Variants in CSMD1 observed in about 807,000 individuals in gnomAD.
CSMD1 encodes CUB and sushi domain-containing protein 1.
Under a neutral mutation model 417.5 loss-of-function variants are expected in CSMD1, and 213 were observed. The observed-to-expected ratio is 0.51, with a 90% CI of 0.46 to 0.57. CSMD1 has a LOEUF of 0.57. Among genes scored for constraint, CSMD1 ranks in the 20% least tolerant of loss-of-function variants. The pLI is 0.00. For missense variants in CSMD1, 6,923 were observed against 4,529.7 expected, an observed-to-expected ratio of 1.53 and a Z score of -15.17; for synonymous variants, 2,862 against 1,736.8, an observed-to-expected ratio of 1.65 and a Z score of -16.11.
At chr8:3,272,314 T>C (rs940940893) in intron 26 of CSMD1, among the ~76,000 whole-genome samples, 9 of 146,472 alleles carry the variant, frequency 6.1e-5, no homozygotes, top group African/African-American at 1.5e-4. Context: ...ACCAGTACCA[T>C]GCTGTTTTGG....
chr8:4,952,352 G>GAGAACTC (rs1808810296), intron 1 of CSMD1, among the ~76,000 whole-genome samples: 2 of 77,130 alleles, frequency 2.6e-5, no homozygotes, highest in African/African-American at 9.1e-5. Context: ...AAGTGAAACT[G>GAGAACTC]AATAATGTAT....
chr8:3,959,933 C>G (rs933452158), intron 5 of CSMD1, among the ~76,000 whole-genome samples: 6 of 152,172 alleles, frequency 3.9e-5, no homozygotes, highest in Non-Finnish European at 8.8e-5. Flanking sequence ...AAGCCCTGTA[C>G]TAGCCATTTG....
At position 3,998,198 on chromosome 8, in the gene CSMD1, C is replaced by T. The variant is rs183413366; in HGVS notation, c.611-88G>A. 21 of 1,202,492 alleles carry T rather than the reference C, an allele frequency of 1.7e-5. No individual in the cohort carries two copies. The Admixed American group carries it at 2.0e-4, about 12-fold the overall frequency. 74.5% of individuals were successfully genotyped at this position (1,202,492 alleles called of 1,614,324 possible). A position where few individuals can be genotyped will look rare whatever the true frequency, so the allele number is the denominator to read the frequency against. On this transcript the variant is annotated intron_variant, in intron 4 of 69. Transcript: ENST00000635120. ...TCCACCAAGTGTCACTCTTGATCAG[C>T]GACAAATATTTTCTGAACCCAAAAT...
intron 1 of CSMD1, among the ~76,000 whole-genome samples, chr8:4,927,223 T>G (rs926941614): frequency 7.3e-6 from 1 of 136,384 alleles, no homozygotes; most frequent in Non-Finnish European, 1.6e-5. Flanking sequence ...TTTTGGCTAA[T>G]TTTTTTTTAT....
At chr8:4,442,825 G>A (rs916173500) in intron 2 of CSMD1, among the ~76,000 whole-genome samples, 2 of 152,172 alleles carry the variant, frequency 1.3e-5, no homozygotes, top group Admixed American at 6.5e-5. Context: ...ACTGAAATAT[G>A]TAAGTTGCCT....
chr8:3,460,971 A>C (rs909520826), intron 12 of CSMD1, among the ~76,000 whole-genome samples: 4 of 152,162 alleles, frequency 2.6e-5, no homozygotes, highest in Non-Finnish European at 4.4e-5. Context: ...AGTAACAATA[A>C]GTTTGTTCTT....
chr8:3,187,818 G>C (rs370509615), intron 36 of CSMD1, 51 bp downstream of exon 36: 2 of 1,323,610 alleles, frequency 1.5e-6, no homozygotes, highest in Non-Finnish European at 2.2e-6. Flanking sequence ...TTGTTTTCTT[G>C]GTGTTTGCAG....
Position 2,995,087 on chromosome 8 carries a change from G to A in CSMD1, c.8377+2924C>T, listed in dbSNP as rs147637519. 1.2e-3 allele frequency among the ~76,000 whole-genome samples: 180 copies of A among 152,328 alleles called. 1 individual carries two copies. The highest frequency in any genetic ancestry group is 4.0e-3 in the African/African-American group (168 of 41,574). ...AAACTTGTGCTGCTCAAAGGACCCT[G>A]TGAAGAGGATGAAAGTCAAACGAGA... On this transcript the variant is annotated intron_variant, in intron 54 of 69. Transcript: ENST00000635120.
intron 68 of CSMD1, among the ~76,000 whole-genome samples, chr8:2,942,907 C>G (rs1801988524): frequency 6.6e-6 from 1 of 152,130 alleles, no homozygotes; most frequent in Non-Finnish European, 1.5e-5. Flanking sequence ...GGTGTTTTCA[C>G]AAAACTAACT....
At chr8:3,623,698 G>A (rs1418825760) in intron 7 of CSMD1, among the ~76,000 whole-genome samples, 1 of 152,110 alleles carries the variant, frequency 6.6e-6, no homozygotes, top group Non-Finnish European at 1.5e-5. Flanking sequence ...CTCCAGGGCC[G>A]GGCGTGGGGG....
At chr8:3,381,549 T>C (rs781446404) in intron 18 of CSMD1, among the ~76,000 whole-genome samples, 1 of 152,174 alleles carries the variant, frequency 6.6e-6, no homozygotes, top group Non-Finnish European at 1.5e-5. Context: ...ATTGCAAATA[T>C]TTTTAATATA....
chr8:3,493,524 C>G (rs1451607703), intron 11 of CSMD1, 99 bp downstream of exon 11: 7 of 988,220 alleles, frequency 7.1e-6, no homozygotes, highest in Non-Finnish European at 1.1e-5. Context: ...TAAGCAAACA[C>G]CTGAGGCCGA....
intron 5 of CSMD1, among the ~76,000 whole-genome samples, chr8:3,767,780 C>T (rs1798361986): frequency 1.3e-5 from 2 of 152,078 alleles, no homozygotes; most frequent in South Asian, 4.2e-4. Flanking sequence ...GAGAACAGTG[C>T]TCTCATCTTC....
At chr8:4,108,704 C>T (rs150904610) in intron 3 of CSMD1, among the ~76,000 whole-genome samples, 2 of 151,652 alleles carry the variant, frequency 1.3e-5, no homozygotes, top group African/African-American at 4.8e-5. Context: ...GCAGACAATA[C>T]TTAAAATAAA....
At chr8:3,922,583 A>G (rs954908158) in intron 5 of CSMD1, among the ~76,000 whole-genome samples, 1 of 152,166 alleles carries the variant, frequency 6.6e-6, no homozygotes, top group Non-Finnish European at 1.5e-5. Context: ...AAGTAGGATT[A>G]AATAAAACAT....
chr8:3,998,162 A>G, intron 4 of CSMD1, 52 bp from the exon 5 acceptor site: 1 of 1,471,622 alleles, frequency 6.8e-7, no homozygotes, highest in Non-Finnish European at 9.3e-7. Context: ...TGGTTTTCAT[A>G]CACGAGTGTG....
chr8:3,939,332 A>G (rs2129743624), intron 5 of CSMD1, among the ~76,000 whole-genome samples: 1 of 152,306 alleles, frequency 6.6e-6, no homozygotes, highest in South Asian at 2.1e-4. Flanking sequence ...TCCTGTAAAA[A>G]TGGTCCTAAT....
intron 5 of CSMD1, among the ~76,000 whole-genome samples, chr8:3,792,804 A>C (rs963764556): frequency 6.6e-6 from 1 of 152,218 alleles, no homozygotes; most frequent in African/African-American, 2.4e-5. Flanking sequence ...ATATATTGAT[A>C]ATGACAGAGA....
At chr8:3,815,658 A>G (rs1451269107) in intron 5 of CSMD1, among the ~76,000 whole-genome samples, 1 of 151,436 alleles carries the variant, frequency 6.6e-6, no homozygotes, top group African/African-American at 2.4e-5. Context: ...TAAACAACCT[A>G]GACAATATCC....
Sources: allele counts gnomAD v4.1 joint callset (sites outside exome capture counted in the v4.1 genomes callset), GRCh38; gene constraint gnomAD v4.1.1; transcripts MANE v1.5; gene names NCBI Gene and HGNC (gene_info 2026-07-23, HGNC 2026-07-21).